CCDC30: variants seen among roughly 807,000 people sequenced by gnomAD.
CCDC30 encodes the protein coiled-coil domain containing 30.
A neutral mutation model predicts 100.2 loss-of-function variants in CCDC30; 70 were observed. The observed-to-expected ratio is 0.70, with a 90% confidence interval of 0.58 to 0.85. The LOEUF (loss-of-function observed/expected upper bound fraction) is 0.85. Among genes scored for constraint, CCDC30 ranks in the 40% least tolerant of loss-of-function variants. CCDC30 has a pLI of 0.00. For missense variants in CCDC30, 652 were observed against 771.2 expected, an observed-to-expected ratio of 0.85 and a Z score of 1.83; for synonymous variants, 233 against 269.5, an observed-to-expected ratio of 0.86 and a Z score of 1.33.
intron 6 of CCDC30, among the ~76,000 whole-genome samples, chr1:42,522,906 C>T (rs1644669428): frequency 6.6e-6 from 1 of 151,910 alleles, no homozygotes; most frequent in African/African-American, 2.4e-5. Context: ...GATGGAGTCT[C>T]ACTCTGTTGC....
intron 7 of CCDC30, among the ~76,000 whole-genome samples, chr1:42,575,284 G>T (rs1645809256): frequency 6.6e-6 from 1 of 151,990 alleles, no homozygotes; most frequent in Non-Finnish European, 1.5e-5. Flanking sequence ...TCATTTACTT[G>T]CTCAGTAAAT....
chr1:42,637,506 C>A, intron 12 of CCDC30, 128 bp downstream of exon 16: 2 of 819,320 alleles, frequency 2.4e-6, no homozygotes, highest in South Asian at 1.7e-5. Context: ...CTTTTCTTTG[C>A]ACCATCTTTC....
At chr1:42,615,656 A>G (rs1459841255) in intron 11 of CCDC30, among the ~76,000 whole-genome samples, 1 of 152,178 alleles carries the variant, frequency 6.6e-6, no homozygotes, top group Non-Finnish European at 1.5e-5. Flanking sequence ...TCCTGTCTGT[A>G]GGAACAATGG....
chr1:42,527,845 TTTTCTTTTTC>T (rs1399784746), intron 6 of CCDC30, among the ~76,000 whole-genome samples: 1 of 151,980 alleles, frequency 6.6e-6, no homozygotes, highest in Non-Finnish European at 1.5e-5. Context: ...CTTTCTTTTT[TTTTCTTTTTC>T]TTTCTTTCTT....
At chr1:42,457,274 C>A in the CCDC30 span, 1 of 1,614,184 alleles carries the variant, frequency 6.2e-7, no homozygotes, top group East Asian at 2.2e-5. Context: ...TACCTGGCTG[C>A]GGCTGTGTCA....
exon 13 of CCDC30, chr1:42,642,511 T>C: frequency 6.3e-7 from 1 of 1,599,334 alleles, no homozygotes; most frequent in African/African-American, 1.3e-5. Flanking sequence ...CCCAAAATGA[T>C]ACCCTGCTTC....
intron 6 of CCDC30, among the ~76,000 whole-genome samples, chr1:42,554,754 A>G (rs1645333383): frequency 6.6e-6 from 1 of 152,244 alleles, no homozygotes; most frequent in African/African-American, 2.4e-5. Flanking sequence ...CTCTCTAACC[A>G]TTGAAGGTGC....
rs1553183134 is a variant in CCDC30 at position 42,477,091 on chromosome 1, TTC to T, written c.-91-3369_-91-3368del. 2.3e-3 allele frequency among the ~76,000 whole-genome samples: 343 copies of T among 147,570 alleles called. 2 individuals are homozygous for T. The highest frequency in any genetic ancestry group is 8.1e-3 in the African/African-American group (324 of 40,216). On this transcript the variant is annotated intron_variant, in intron 1 of 16. Transcript: ENST00000668663. Reference sequence around the variant, plus strand: ...TTTTCTTTAATTCTGGCTTTTTTTTTTCCCCCCTCTACAAAGCTTCTGGAAAA... The same window carrying T: ...TTTTCTTTAATTCTGGCTTTTTTTTTCCCCCTCTACAAAGCTTCTGGAAAA...
At chr1:42,530,177 A>T (rs144340309) in intron 6 of CCDC30, among the ~76,000 whole-genome samples, 31 of 152,324 alleles carry the variant, frequency 2.0e-4, no homozygotes, top group African/African-American at 6.5e-4. Flanking sequence ...GGTCAGTAGT[A>T]GTCTAATGCC....
chr1:42,553,239 G>A (rs1645291419), intron 6 of CCDC30, among the ~76,000 whole-genome samples: 1 of 151,708 alleles, frequency 6.6e-6, no homozygotes. Context: ...GACATTGTCT[G>A]GGTTGCTGTC....
chr1:42,458,549 CAATA>C (rs1471990966), upstream of CCDC30, among the ~76,000 whole-genome samples: 3 of 152,046 alleles, frequency 2.0e-5, no homozygotes, highest in Non-Finnish European at 2.9e-5. Context: ...GCAGAGGAGA[CAATA>C]AATAAGTCAA....
At chr1:42,457,582 C>T in the CCDC30 span, 2 of 550,902 alleles carry the variant, frequency 3.6e-6, no homozygotes, top group Non-Finnish European at 6.5e-6. Context: ...GTACAAAGTG[C>T]AGTCAGATCA....
upstream of CCDC30, chr1:42,459,109 T>C (rs994361661): frequency 1.3e-5 from 2 of 152,306 alleles, no homozygotes; most frequent in African/African-American, 2.4e-5. Context: ...AGAATATGTA[T>C]GGAGCCTTGA....
chr1:42,527,144 A>G (rs578185967), intron 6 of CCDC30, among the ~76,000 whole-genome samples: 7 of 152,310 alleles, frequency 4.6e-5, no homozygotes, highest in South Asian at 2.1e-4. Context: ...AAGTATAAGG[A>G]TTTGGGTCAA....
intron 6 of CCDC30, 115 bp from the exon 7 acceptor site, chr1:42,536,361 G>A: frequency 1.6e-6 from 1 of 627,498 alleles, no homozygotes; most frequent in Non-Finnish European, 2.6e-6. Flanking sequence ...AGTTTTCCTA[G>A]GTTCATAAAT....
intron 10 of CCDC30, among the ~76,000 whole-genome samples, chr1:42,603,009 C>A (rs979728955): frequency 1.3e-5 from 2 of 152,202 alleles, no homozygotes; most frequent in African/African-American, 4.8e-5. Flanking sequence ...CATCAACAAG[C>A]TAAAAAGGAA....
chr1:42,632,561 C>T (rs1035429623), intron 11 of CCDC30, among the ~76,000 whole-genome samples: 4 of 151,656 alleles, frequency 2.6e-5, no homozygotes, highest in Admixed American at 1.3e-4. Flanking sequence ...GTCAGGAGTT[C>T]GAGACCAACC....
intron 15 of CCDC30, among the ~76,000 whole-genome samples, chr1:42,647,303 A>G (rs984298439): frequency 7.9e-5 from 12 of 152,154 alleles, no homozygotes; most frequent in Admixed American, 2.0e-4. Flanking sequence ...GTCATATCAG[A>G]TAAATTAGAC....
chr1:42,456,487 G>C, the CCDC30 span: 5 of 1,381,324 alleles, frequency 3.6e-6, no homozygotes, highest in Non-Finnish European at 4.7e-6. Flanking sequence ...GTACGGCGCG[G>C]CGCGTACACC....
Sources: gnomAD v4.1 joint callset for allele counts (sites outside exome capture counted in the v4.1 genomes callset) on GRCh38, gnomAD v4.1.1 for gene constraint, MANE v1.5 for transcripts, NCBI Gene and HGNC (gene_info 2026-07-23, HGNC 2026-07-21) for gene names.